Variants in LAMA2 observed in about 807,000 individuals in gnomAD.
The protein encoded by LAMA2 is laminin subunit alpha 2, also known as laminin subunit alpha-2.
LAMA2 carries 269 observed loss-of-function variants against 364.8 expected under a neutral mutation model. The ratio of observed to expected loss-of-function variants is 0.74; its 90% CI spans 0.67 to 0.82. LAMA2 has a LOEUF of 0.82. Ranked by LOEUF, LAMA2 falls within the 40% of genes least tolerant of loss-of-function variation. LAMA2 has a pLI of 0.00. For synonymous variants in LAMA2, 1,379 were observed against 1,370.6 expected (o/e 1.01, Z -0.14); for missense variants, 3,807 against 3,873.2 (o/e 0.98, Z 0.45).
intron 37 of LAMA2, among the ~76,000 whole-genome samples, chr6:129,397,544 A>G (rs1394452111): frequency 2.0e-5 from 3 of 152,014 alleles, no homozygotes; most frequent in African/African-American, 7.2e-5. Context: ...AAACCCAGAT[A>G]CTCTATACTT....
intron 28 of LAMA2, among the ~76,000 whole-genome samples, chr6:129,323,067 A>G (rs893892548): frequency 6.6e-6 from 1 of 152,228 alleles, no homozygotes; most frequent in African/African-American, 2.4e-5. Context: ...TTACAGAGAT[A>G]AAGACCTATC....
At chr6:129,224,479 G>A (rs901640385) in intron 12 of LAMA2, among the ~76,000 whole-genome samples, 13 of 152,014 alleles carry the variant, frequency 8.6e-5, no homozygotes, top group African/African-American at 2.9e-4. Context: ...ATTGGCTGTG[G>A]GTTTGTCATA....
intron 1 of LAMA2, among the ~76,000 whole-genome samples, chr6:128,883,961 A>C (rs1484464259): frequency 6.6e-6 from 1 of 151,960 alleles, no homozygotes; most frequent in South Asian, 2.1e-4. Flanking sequence ...TTTCAAACCC[A>C]CATCTTATCT....
intron 45 of LAMA2, among the ~76,000 whole-genome samples, chr6:129,446,570 GA>G: frequency 2.8e-5 from 2 of 70,818 alleles, no homozygotes; most frequent in South Asian, 7.8e-4. Flanking sequence ...GAGGGGAGGG[GA>G]GGGGAGGGGT....
intron 9 of LAMA2, among the ~76,000 whole-genome samples, chr6:129,173,615 C>A (rs1476848093): frequency 6.6e-6 from 1 of 152,050 alleles, no homozygotes; most frequent in Non-Finnish European, 1.5e-5. Flanking sequence ...ATATAATAAT[C>A]AAGATTGTAA....
At chr6:129,022,073 C>G (rs1785483093) in intron 1 of LAMA2, among the ~76,000 whole-genome samples, 1 of 152,174 alleles carries the variant, frequency 6.6e-6, no homozygotes, top group African/African-American at 2.4e-5. Flanking sequence ...TAGTAAAAAT[C>G]TCTCCTGCAA....
rs1786665890 is a variant in LAMA2 at position 129,512,441 on chromosome 6, G to A, written c.8936G>A (p.Gly2979Glu). The A allele has an allele frequency of 1.9e-6, 3 of 1,613,512 alleles. No individual in the cohort carries two copies. In the South Asian group the frequency reaches 3.3e-5, roughly 18 times the overall value. Residue 2979 changes from glycine (G) to glutamate (E), a missense_variant, in exon 63 of 65, where the codon GGG (glycine) becomes GAG (glutamate). Gly to Glu is a moderately conservative substitution (Grantham distance 98). Coordinates refer to ENST00000421865, the MANE Select transcript of LAMA2 (RefSeq NM_000426.4). ...RTTTTTGVLL[G>E]ISSQKMDGMG... ...ACTACAACGACTGGAGTTCTTCTGG[G>A]GATCAGTAGTCAAAAAATGGATGGA...
chr6:129,115,993 T>A (rs529657743), intron 4 of LAMA2, among the ~76,000 whole-genome samples: 65 of 152,274 alleles, frequency 4.3e-4, no homozygotes, highest in South Asian at 6.2e-4. Context: ...ATTAGCAATT[T>A]GGGATTTGCA....
chr6:128,969,101 A>C (rs1434871783), intron 1 of LAMA2, among the ~76,000 whole-genome samples: 1 of 152,112 alleles, frequency 6.6e-6, no homozygotes, highest in African/African-American at 2.4e-5. Flanking sequence ...CAAACCCCTG[A>C]GCAGTTAAAA....
intron 34 of LAMA2, among the ~76,000 whole-genome samples, chr6:129,376,126 A>G (rs942969120): frequency 2.0e-5 from 3 of 152,174 alleles, no homozygotes; most frequent in African/African-American, 7.2e-5. Flanking sequence ...GATGACATAC[A>G]GTGCTCTCCC....
intron 29 of LAMA2, among the ~76,000 whole-genome samples, chr6:129,337,997 C>T (rs1159693351): frequency 1.3e-5 from 2 of 152,096 alleles, no homozygotes; most frequent in Non-Finnish European, 2.9e-5. Flanking sequence ...CTAACCAGGA[C>T]ATTTGATTCA....
chr6:128,989,461 C>A (rs540809476), intron 1 of LAMA2, among the ~76,000 whole-genome samples: 1 of 152,278 alleles, frequency 6.6e-6, no homozygotes, highest in African/African-American at 2.4e-5. Context: ...CATTCAAATT[C>A]TTGATGTACA....
At chr6:129,357,638 G>A (rs1310942830) in intron 32 of LAMA2, among the ~76,000 whole-genome samples, 2 of 151,930 alleles carry the variant, frequency 1.3e-5, no homozygotes, top group Non-Finnish European at 2.9e-5. Flanking sequence ...CTGTAAAATT[G>A]GCAACTTCCA....
intron 12 of LAMA2, among the ~76,000 whole-genome samples, chr6:129,241,027 C>A (rs1490812893): frequency 6.6e-6 from 1 of 152,088 alleles, no homozygotes; most frequent in Non-Finnish European, 1.5e-5. Flanking sequence ...CAGAAAAGCT[C>A]AAATAGATAC....
chr6:129,011,507 A>G (rs895610663), intron 1 of LAMA2, among the ~76,000 whole-genome samples: 63 of 152,064 alleles, frequency 4.1e-4, no homozygotes, highest in African/African-American at 1.3e-3. Context: ...TTTTTCAAGC[A>G]TTTGTATCAT....
intron 4 of LAMA2, among the ~76,000 whole-genome samples, chr6:129,133,509 T>C (rs920892541): frequency 6.6e-6 from 1 of 151,514 alleles, no homozygotes; most frequent in African/African-American, 2.4e-5. Flanking sequence ...TATTGAGAGG[T>C]GAGAATAGGG....
intron 4 of LAMA2, among the ~76,000 whole-genome samples, chr6:129,105,832 G>A (rs912899620): frequency 3.9e-5 from 6 of 152,268 alleles, no homozygotes; most frequent in Admixed American, 3.9e-4. Flanking sequence ...CTGCTTTAGA[G>A]ATCCTAGAAT....
intron 1 of LAMA2, among the ~76,000 whole-genome samples, chr6:128,939,090 T>C (rs1291271390): frequency 6.6e-6 from 1 of 152,168 alleles, no homozygotes; most frequent in African/African-American, 2.4e-5. Context: ...CAACTTTTCA[T>C]TTCTCTTCAA....
intron 3 of LAMA2, among the ~76,000 whole-genome samples, chr6:129,068,473 C>T (rs1266753092): frequency 6.6e-6 from 1 of 152,162 alleles, no homozygotes; most frequent in Non-Finnish European, 1.5e-5. Flanking sequence ...CTTGCTGTAG[C>T]CTCACATGGC....
Sources: allele counts gnomAD v4.1 joint callset (sites outside exome capture counted in the v4.1 genomes callset), GRCh38; gene constraint gnomAD v4.1.1; transcripts MANE v1.5; gene names NCBI Gene and HGNC (gene_info 2026-07-23, HGNC 2026-07-21).